The following LIPI variants were observed in gnomAD, a reference collection of about 807,000 sequenced individuals.
LIPI encodes lipase member I.
In LIPI, 59 loss-of-function variants were observed where a neutral mutation model predicts 50.6. The ratio of observed to expected loss-of-function variants is 1.16; its 90% CI spans 0.94 to 1.45. LIPI has a LOEUF of 1.45. Ranked by LOEUF, LIPI falls within the 40% of genes most tolerant of loss-of-function variation. The pLI, the probability that LIPI is intolerant of heterozygous loss-of-function variation, is 0.00. For missense variants in LIPI, 586 were observed against 536.3 expected (o/e 1.09, Z -0.92); for synonymous variants, 203 against 178.2 (o/e 1.14, Z -1.11).
chr21:14,199,330 A>G (rs746924520), intron 1 of LIPI, among the ~76,000 whole-genome samples: 2 of 151,994 alleles, frequency 1.3e-5, no homozygotes, highest in African/African-American at 4.8e-5. Flanking sequence ...AAAAAAAAAT[A>G]CAATAAATAG....
chr21:14,116,487 T>C (rs551288491), intron 9 of LIPI, among the ~76,000 whole-genome samples: 6 of 152,284 alleles, frequency 3.9e-5, no homozygotes, highest in South Asian at 2.1e-4. Context: ...AGAAAAAGCA[T>C]TGAAGCCGAC....
intron 2 of LIPI, among the ~76,000 whole-genome samples, chr21:14,187,768 T>C (rs914108987): frequency 1.5e-4 from 23 of 150,602 alleles, no homozygotes; most frequent in Non-Finnish European, 3.4e-4. Flanking sequence ...ATCTTAATGA[T>C]TACTAAATGT....
intron 9 of LIPI, among the ~76,000 whole-genome samples, chr21:14,123,373 T>C (rs2016936184): frequency 6.6e-6 from 1 of 152,156 alleles, no homozygotes; most frequent in South Asian, 2.1e-4. Context: ...ACACTACAAA[T>C]GTTTGGAGAG....
intron 9 of LIPI, among the ~76,000 whole-genome samples, chr21:14,134,174 T>C (rs1228276394): frequency 6.6e-6 from 1 of 152,104 alleles, no homozygotes; most frequent in Non-Finnish European, 1.5e-5. Flanking sequence ...AAGGCTGTAG[T>C]GAACTGTGAT....
rs552465638 is a variant in LIPI, at chr21:14,187,069, A to G, written c.433-1000T>C. Among the ~76,000 whole-genome samples, 13 of 152,272 alleles carry G rather than the reference A, an allele frequency of 8.5e-5. No homozygotes were observed. The East Asian group carries it at 2.1e-3, about 25-fold the overall frequency. On this transcript the variant is annotated intron_variant, in intron 2 of 9. Coordinates refer to ENST00000681601, the MANE Select transcript of LIPI (RefSeq NM_001302998.2). ...GTCAAAAACCTTAGGAAGATTCACA[A>G]AAGTTCAATAATGATTCTCACTTCA...
intron 1 of LIPI, among the ~76,000 whole-genome samples, chr21:14,191,475 G>A (rs1434921936): frequency 6.6e-6 from 1 of 151,572 alleles, no homozygotes; most frequent in Non-Finnish European, 1.5e-5. Context: ...TGATATGTGA[G>A]CAGTTCTGTA....
At chr21:14,127,267 C>A (rs747100331) in intron 9 of LIPI, among the ~76,000 whole-genome samples, 1 of 152,200 alleles carries the variant, frequency 6.6e-6, no homozygotes, top group Non-Finnish European at 1.5e-5. Flanking sequence ...TCACTAATTG[C>A]ACATTATCTG....
At chr21:14,118,048 A>AGCAAAGAGGG (rs2016721758) in intron 9 of LIPI, among the ~76,000 whole-genome samples, 1 of 151,800 alleles carries the variant, frequency 6.6e-6, no homozygotes, top group Admixed American at 6.6e-5. Context: ...GTGAGATGCA[A>AGCAAAGAGGG]GCAAAGAGGG....
intron 4 of LIPI, among the ~76,000 whole-genome samples, chr21:14,176,248 A>G (rs1314318260): frequency 9.3e-5 from 14 of 151,210 alleles, no homozygotes; most frequent in Non-Finnish European, 1.9e-4. Context: ...TATCTTTTCT[A>G]AAGTGCAAAA....
chr21:14,118,908 C>T (rs2016756656), intron 9 of LIPI, among the ~76,000 whole-genome samples: 1 of 152,116 alleles, frequency 6.6e-6, no homozygotes, highest in African/African-American at 2.4e-5. Flanking sequence ...TGGAATGCTC[C>T]CCTATTGCTG....
At chr21:14,118,735 G>A (rs1049716899) in intron 9 of LIPI, among the ~76,000 whole-genome samples, 5 of 152,160 alleles carry the variant, frequency 3.3e-5, no homozygotes, top group South Asian at 4.1e-4. Context: ...ACAGTCCCCC[G>A]GGGCTGGTAG....
chr21:14,161,325 A>G (rs1204777508), intron 7 of LIPI, among the ~76,000 whole-genome samples: 1 of 145,882 alleles, frequency 6.9e-6, no homozygotes, highest in Admixed American at 7.1e-5. Context: ...ATAGATATAT[A>G]TGTAATATAT....
intron 1 of LIPI, among the ~76,000 whole-genome samples, chr21:14,199,535 T>C (rs375776007): frequency 2.6e-5 from 4 of 151,118 alleles, no homozygotes; most frequent in East Asian, 3.9e-4. Context: ...AAGACAGACT[T>C]CAGGAAGAAT....
chr21:14,176,132 C>G (rs185718867), intron 4 of LIPI, among the ~76,000 whole-genome samples: 2 of 147,654 alleles, frequency 1.4e-5, no homozygotes, highest in East Asian at 2.0e-4. Flanking sequence ...GAGCTGAGAT[C>G]GCGCCACTGC....
chr21:14,166,511 A>G, intron 4 of LIPI, 60 bp from the exon 5 acceptor site: 1 of 853,248 alleles, frequency 1.2e-6, no homozygotes, highest in Non-Finnish European at 2.0e-6. Flanking sequence ...TATCTTGCAT[A>G]AAACAAAATA....
Position 14,122,259 on chromosome 21 carries a change from C to A in LIPI, c.1296-13179G>T, listed in dbSNP as rs549537789. Among the ~76,000 whole-genome samples the A allele has an allele frequency of 2.0e-4, 30 of 152,164 alleles. No individual in the cohort carries two copies. The South Asian group carries it at 2.5e-3, about 13-fold the overall frequency. On this transcript the variant is annotated intron_variant, in intron 9 of 9. Transcript: ENST00000681601. Reference sequence around the variant, plus strand: ...ACTTATTATTAGTGTACAGGAATCCCCTGGGGACATGTGTTTATAATCAAA... The same window carrying A: ...ACTTATTATTAGTGTACAGGAATCCACTGGGGACATGTGTTTATAATCAAA...
intron 4 of LIPI, among the ~76,000 whole-genome samples, chr21:14,170,256 T>C (rs147958083): frequency 0.017 from 2,602 of 152,240 alleles, 76 homozygotes; most frequent in African/African-American, 0.059. Context: ...CAGGACCAGA[T>C]GGATTCACAG....
At chr21:14,194,614 A>G (rs1418225157) in intron 1 of LIPI, among the ~76,000 whole-genome samples, 1 of 151,958 alleles carries the variant, frequency 6.6e-6, no homozygotes, top group African/African-American at 2.4e-5. Flanking sequence ...AGAGACGGAA[A>G]GTAGGATTGT....
intron 5 of LIPI, among the ~76,000 whole-genome samples, chr21:14,165,695 A>G (rs2018659316): frequency 6.6e-6 from 1 of 152,032 alleles, no homozygotes; most frequent in Non-Finnish European, 1.5e-5. Context: ...TAGTGTACAC[A>G]TCTTTTCCTT....
Sources: gnomAD v4.1 joint callset for allele counts (sites outside exome capture counted in the v4.1 genomes callset) on GRCh38, gnomAD v4.1.1 for gene constraint, MANE v1.5 for transcripts, NCBI Gene and HGNC (gene_info 2026-07-23, HGNC 2026-07-21) for gene names.